Variants in NOL4 observed in about 807,000 individuals in gnomAD.
The protein encoded by NOL4 is nucleolar protein 4, also known as cancer/testis antigen 125.
A neutral mutation model predicts 75.9 loss-of-function variants in NOL4; 17 were observed. The observed-to-expected ratio is 0.22, with a 90% confidence interval of 0.15 to 0.34. NOL4 has a LOEUF of 0.34. Ranked by LOEUF, NOL4 falls within the 10% of genes least tolerant of loss-of-function variation. The pLI, the probability that NOL4 is intolerant of heterozygous loss-of-function variation, is 1.00. For missense variants in NOL4, 614 were observed against 793.5 expected, an observed-to-expected ratio of 0.77 and a Z score of 2.72; for synonymous variants, 292 against 289.9, an observed-to-expected ratio of 1.01 and a Z score of -0.07.
chr18:33,887,249 A>G (rs1273048113), intron 9 of NOL4, among the ~76,000 whole-genome samples: 1 of 150,638 alleles, frequency 6.6e-6, no homozygotes, highest in East Asian at 1.9e-4. Context: ...CTGGAAAAGT[A>G]AACTACTTTA....
At chr18:33,995,195 G>A (rs571036344) in intron 6 of NOL4, among the ~76,000 whole-genome samples, 5 of 151,576 alleles carry the variant, frequency 3.3e-5, no homozygotes, top group Admixed American at 6.6e-5. Flanking sequence ...AAAAACAGAT[G>A]ACTATCAATT....
At chr18:33,938,820 C>T (rs1432057060) in intron 9 of NOL4, among the ~76,000 whole-genome samples, 1 of 152,126 alleles carries the variant, frequency 6.6e-6, no homozygotes, top group Non-Finnish European at 1.5e-5. Context: ...GTTGCCATTG[C>T]TTTTGGTGTT....
At chr18:34,147,969 T>A (rs1031824567) in intron 1 of NOL4, among the ~76,000 whole-genome samples, 2 of 152,158 alleles carry the variant, frequency 1.3e-5, no homozygotes, top group Admixed American at 1.3e-4. Context: ...CAGGAATTTA[T>A]CCATTTCTTC....
chr18:33,909,738 G>A (rs1416164126), intron 9 of NOL4, among the ~76,000 whole-genome samples: 1 of 151,992 alleles, frequency 6.6e-6, no homozygotes, highest in Non-Finnish European at 1.5e-5. Flanking sequence ...TCTGGGTGCT[G>A]GGAATATATC....
chr18:34,140,057 T>C lies in NOL4; in HGVS notation c.265-10037A>G, dbSNP rs143546217. ...TGGTCTGAGAGACAGTTTGCTATAATTTCTGTTCTTTTACATTTGCTGAGG... is the reference window on the plus strand; with the variant it reads ...TGGTCTGAGAGACAGTTTGCTATAACTTCTGTTCTTTTACATTTGCTGAGG... On this transcript the variant is annotated intron_variant, in intron 1 of 10. Transcript: ENST00000261592. Among the ~76,000 whole-genome samples the C allele has an allele frequency of 7.5e-3, 1,147 of 152,312 alleles. 14 individuals carry two copies. Among genetic ancestry groups the C allele is most frequent in the African/African-American group, 0.025 (1,055 of 41,560 alleles).
chr18:34,058,154 G>A (rs1015239302), intron 5 of NOL4, among the ~76,000 whole-genome samples: 2 of 151,796 alleles, frequency 1.3e-5, no homozygotes, highest in African/African-American at 4.8e-5. Flanking sequence ...TTTTTTTTGA[G>A]ACAAAATCTC....
Position 34,217,282 on chromosome 18 carries a change from T to A in NOL4, c.264+5708A>T, listed in dbSNP as rs145767524. ...GTATACCTTGTATTTCTTTCTTTTT[T>A]TTTATTTATTTATTTTTTTTGAGAT... On this transcript the variant is annotated intron_variant, in intron 1 of 10. Coordinates refer to ENST00000261592, the MANE Select transcript of NOL4 (RefSeq NM_003787.5). Among the ~76,000 whole-genome samples, 1,310 of 152,144 alleles carry A rather than the reference T, an allele frequency of 8.6e-3. 14 individuals carry two copies. Among genetic ancestry groups the A allele is most frequent in the African/African-American group, 0.026 (1,076 of 41,504 alleles).
At position 34,133,717 on chromosome 18, in the gene NOL4, A is replaced by C. The variant is rs2080766136; in HGVS notation, c.265-3697T>G. 2.0e-5 allele frequency among the ~76,000 whole-genome samples: 3 copies of C among 152,104 alleles called. No homozygotes were observed. The South Asian group carries it at 6.2e-4, about 31-fold the overall frequency. On this transcript the variant is annotated intron_variant, in intron 1 of 10. Coordinates refer to ENST00000261592, the MANE Select transcript of NOL4 (RefSeq NM_003787.5). ...AGATCCACACATAGAAAGAAAGAGA[A>C]CCAAAAAGGTCAAATAAGAAAGTTG...
rs554312697 is a variant in NOL4 at position 33,929,563 on chromosome 18, C to T, written c.1542+13502G>A. On this transcript the variant is annotated intron_variant, in intron 9 of 10. Coordinates refer to ENST00000261592, the MANE Select transcript of NOL4 (RefSeq NM_003787.5). ...CTTATTCATATTCATCTGCAGTATACAAACACCTGCTCAGTGGTGATATTG... is the reference window on the plus strand; with the variant it reads ...CTTATTCATATTCATCTGCAGTATATAAACACCTGCTCAGTGGTGATATTG... 1.2e-4 allele frequency among the ~76,000 whole-genome samples: 18 copies of T among 152,220 alleles called. No homozygotes were observed. The South Asian group carries it at 3.7e-3, about 32-fold the overall frequency.
intron 6 of NOL4, among the ~76,000 whole-genome samples, chr18:33,988,139 C>T (rs1055441959): frequency 2.0e-5 from 3 of 152,092 alleles, no homozygotes; most frequent in African/African-American, 2.4e-5. Flanking sequence ...CTTATGCAGG[C>T]CATAAGGTTG....
At chr18:34,021,729 G>A (rs190600856) in intron 5 of NOL4, among the ~76,000 whole-genome samples, 81 of 152,212 alleles carry the variant, frequency 5.3e-4, no homozygotes, top group African/African-American at 1.9e-3. Flanking sequence ...AGAAAAAGAG[G>A]AGACAATTAG....
chr18:33,870,576 G>C (rs1385769189), intron 10 of NOL4, among the ~76,000 whole-genome samples: 2 of 151,856 alleles, frequency 1.3e-5, no homozygotes, highest in Non-Finnish European at 2.9e-5. Flanking sequence ...ATGGAGAGCT[G>C]AGTATATTAT....
intron 2 of NOL4, among the ~76,000 whole-genome samples, chr18:34,109,675 T>TA (rs1167481383): frequency 6.6e-6 from 1 of 150,968 alleles, no homozygotes; most frequent in Non-Finnish European, 1.5e-5. Context: ...AGAATAGAAA[T>TA]AAAAAAGGTA....
intron 6 of NOL4, among the ~76,000 whole-genome samples, chr18:33,988,848 A>G (rs1041162237): frequency 2.6e-5 from 4 of 152,028 alleles, no homozygotes. Context: ...TCTGCGGGCA[A>G]TGGAACCAAG....
At position 34,205,909 on chromosome 18, in the gene NOL4, C is replaced by G. The variant is rs116023770; in HGVS notation, c.264+17081G>C. The stretch of plus-strand genomic sequence containing the variant: ...CTTTCACTGAGTTCCATTTATTCTT[C>G]TTTTTCTCATTTCTTAGGCAGAAGC... On this transcript the variant is annotated intron_variant, in intron 1 of 10. Transcript: ENST00000261592. Among the ~76,000 whole-genome samples the G allele has an allele frequency of 4.2e-3, 642 of 152,220 alleles. 6 individuals are homozygous for G. The highest frequency in any genetic ancestry group is 0.015 in the African/African-American group (631 of 41,552).
chr18:34,089,484 G>A (rs924659254), intron 5 of NOL4, among the ~76,000 whole-genome samples: 3 of 152,044 alleles, frequency 2.0e-5, no homozygotes, highest in Admixed American at 6.6e-5. Flanking sequence ...AGTAGCCACC[G>A]GTCACATGTA....
intron 1 of NOL4, among the ~76,000 whole-genome samples, chr18:34,179,283 C>T (rs1193950027): frequency 1.3e-5 from 2 of 151,100 alleles, no homozygotes; most frequent in Admixed American, 6.6e-5. Context: ...AAAAAACAGC[C>T]TTCCACCTTA....
chr18:33,893,856 A>G (rs1007598336), intron 9 of NOL4, among the ~76,000 whole-genome samples: 1 of 152,094 alleles, frequency 6.6e-6, no homozygotes, highest in African/African-American at 2.4e-5. Context: ...CACTGTTTTA[A>G]GGTAAAGAGC....
rs970857215 is a variant in NOL4 at position 33,917,047 on chromosome 18, G to C, written c.1542+26018C>G. Among the ~76,000 whole-genome samples, 3 of 152,142 alleles carry C rather than the reference G, an allele frequency of 2.0e-5. No individual in the cohort carries two copies. The South Asian group carries it at 6.2e-4, about 32-fold the overall frequency. Reference sequence around the variant, plus strand: ...TTTCAACCCAGGCACTATGCAGAAGGCTGGATTTGCTGATAAGCAGCTTTT... The same window carrying C: ...TTTCAACCCAGGCACTATGCAGAAGCCTGGATTTGCTGATAAGCAGCTTTT... On this transcript the variant is annotated intron_variant, in intron 9 of 10. Coordinates refer to ENST00000261592, the MANE Select transcript of NOL4 (RefSeq NM_003787.5).
Sources: allele counts gnomAD v4.1 joint callset (sites outside exome capture counted in the v4.1 genomes callset), GRCh38; gene constraint gnomAD v4.1.1; transcripts MANE v1.5; gene names NCBI Gene and HGNC (gene_info 2026-07-23, HGNC 2026-07-21).